PALLD: variants seen among roughly 807,000 people sequenced by gnomAD.
The protein encoded by PALLD is palladin.
A neutral mutation model predicts 123.5 loss-of-function variants in PALLD; 61 were observed. The ratio of observed to expected loss-of-function variants is 0.49; its 90% CI spans 0.40 to 0.61. The LOEUF is 0.61. Ranked by LOEUF, PALLD falls within the 20% of genes least tolerant of loss-of-function variation. The pLI is 0.00. For missense variants in PALLD, 1,273 were observed against 1,377.0 expected (o/e 0.92, Z 1.20); for synonymous variants, 465 against 496.4 (o/e 0.94, Z 0.84).
intron 1 of PALLD, among the ~76,000 whole-genome samples, chr4:168,497,409 G>A (rs920756569): frequency 6.6e-6 from 1 of 152,298 alleles, no homozygotes; most frequent in Admixed American, 6.5e-5. Flanking sequence ...CTTCATCTCT[G>A]CCTTTGCTGT....
intron 2 of PALLD, among the ~76,000 whole-genome samples, chr4:168,591,737 T>C (rs1422665049): frequency 6.6e-6 from 1 of 152,156 alleles, no homozygotes; most frequent in Non-Finnish European, 1.5e-5. Context: ...TAGTGTAAAA[T>C]TCCTGGCCTG....
intron 10 of PALLD, chr4:168,863,778 GA>G (rs1380719166): frequency 6.6e-6 from 1 of 151,954 alleles, no homozygotes; most frequent in African/African-American, 2.4e-5. Context: ...CCACACCAAA[GA>G]AAAAAATCAC....
At chr4:168,758,439 C>T (rs1369896120) in intron 10 of PALLD, among the ~76,000 whole-genome samples, 5 of 152,188 alleles carry the variant, frequency 3.3e-5, no homozygotes, top group African/African-American at 9.6e-5. Flanking sequence ...CCACGTCAGG[C>T]AGCCCTTCTA....
chr4:168,518,269 GTC>G (rs1763191280), intron 2 of PALLD, among the ~76,000 whole-genome samples: 1 of 152,134 alleles, frequency 6.6e-6, no homozygotes, highest in Admixed American at 6.5e-5. Flanking sequence ...ACCATCATCT[GTC>G]TCTTTGTTAT....
chr4:168,810,388 C>T (rs1357835621), intron 10 of PALLD, among the ~76,000 whole-genome samples: 1 of 152,148 alleles, frequency 6.6e-6, no homozygotes. Flanking sequence ...AGCATGGTGG[C>T]TCATGCCTGT....
At chr4:168,631,110 T>C (rs1287609188) in intron 2 of PALLD, among the ~76,000 whole-genome samples, 1 of 152,202 alleles carries the variant, frequency 6.6e-6, no homozygotes, top group Non-Finnish European at 1.5e-5. Flanking sequence ...TTCCCTTTCC[T>C]AGGGGCTTAC....
chr4:168,745,279 A>T (rs1295711839), intron 10 of PALLD, among the ~76,000 whole-genome samples: 1 of 152,186 alleles, frequency 6.6e-6, no homozygotes, highest in African/African-American at 2.4e-5. Flanking sequence ...GCTGGAGCCT[A>T]GGACCCAAGC....
At chr4:168,757,696 G>T (rs913318046) in intron 10 of PALLD, among the ~76,000 whole-genome samples, 4 of 152,234 alleles carry the variant, frequency 2.6e-5, no homozygotes, top group African/African-American at 4.8e-5. Context: ...TGGGCGGCAT[G>T]ATGACTAAGT....
intron 2 of PALLD, among the ~76,000 whole-genome samples, chr4:168,607,383 A>G (rs1020202284): frequency 1.1e-4 from 16 of 152,176 alleles, no homozygotes; most frequent in African/African-American, 3.6e-4. Context: ...CGGAGGTGTA[A>G]CTGATTGATT....
chr4:168,860,351 G>C (rs575577878), intron 10 of PALLD, among the ~76,000 whole-genome samples: 1 of 152,224 alleles, frequency 6.6e-6, no homozygotes, highest in East Asian at 1.9e-4. Flanking sequence ...CTGGAGTCGG[G>C]GCAGAGGCAG....
chr4:168,665,637 C>T (rs762125820), intron 2 of PALLD, among the ~76,000 whole-genome samples: 6 of 152,168 alleles, frequency 3.9e-5, no homozygotes, highest in Admixed American at 6.5e-5. Flanking sequence ...CTCTGTGAGG[C>T]GGGTCATTCT....
intron 2 of PALLD, among the ~76,000 whole-genome samples, chr4:168,538,444 T>TAAATA (rs141986128): frequency 5.3e-5 from 8 of 150,558 alleles, no homozygotes; most frequent in Admixed American, 2.6e-4. Flanking sequence ...GTTTTAAATT[T>TAAATA]AAATAAAATA....
chr4:168,709,995 C>T lies in PALLD; in HGVS notation c.1621+848C>T, dbSNP rs572880282. 2.0e-5 allele frequency among the ~76,000 whole-genome samples: 3 copies of T among 152,220 alleles called. No individual in the cohort carries two copies. In the South Asian group the frequency reaches 6.2e-4, roughly 32 times the overall value. ...TGCCAACACATGAGATCTGGAGATA[C>T]TTGTACAAATAAGCCATTGTCTGAT... is the stretch of plus-strand genomic sequence containing the variant. On this transcript the variant is annotated intron_variant, in intron 9 of 21. Transcript: ENST00000505667.
At chr4:168,651,293 G>A (rs903795121) in intron 2 of PALLD, among the ~76,000 whole-genome samples, 1 of 152,132 alleles carries the variant, frequency 6.6e-6, no homozygotes, top group Non-Finnish European at 1.5e-5. Context: ...TTTTAACATT[G>A]CAGTAAATGG....
intron 8 of PALLD, among the ~76,000 whole-genome samples, chr4:168,699,174 G>A (rs1236828968): frequency 1.3e-5 from 2 of 152,116 alleles, no homozygotes; most frequent in Admixed American, 1.3e-4. Flanking sequence ...TGCCTTCCAG[G>A]TTCAAGTGAT....
At chr4:168,508,336 A>G (rs1457625615) in intron 1 of PALLD, among the ~76,000 whole-genome samples, 6 of 152,244 alleles carry the variant, frequency 3.9e-5, no homozygotes, top group Non-Finnish European at 7.3e-5. Context: ...CTTATTATTT[A>G]GTTGTAATTT....
chr4:168,667,842 A>G (rs778123133), intron 2 of PALLD, among the ~76,000 whole-genome samples: 1 of 152,232 alleles, frequency 6.6e-6, no homozygotes, highest in Non-Finnish European at 1.5e-5. Context: ...AGATAAGACT[A>G]ATAGATAAAA....
intron 10 of PALLD, chr4:168,864,089 G>T (rs1056633295): frequency 2.6e-5 from 4 of 152,122 alleles, no homozygotes; most frequent in African/African-American, 9.7e-5. Flanking sequence ...ATACATGATT[G>T]CTGATACCAC....
chr4:168,888,785 A>G (rs1012998210), intron 10 of PALLD, among the ~76,000 whole-genome samples: 4 of 152,146 alleles, frequency 2.6e-5, no homozygotes, highest in Admixed American at 1.3e-4. Flanking sequence ...TCACATTTCT[A>G]TAAGCACATT....
Sources: allele counts gnomAD v4.1 joint callset (sites outside exome capture counted in the v4.1 genomes callset), GRCh38; gene constraint gnomAD v4.1.1; transcripts MANE v1.5; gene names NCBI Gene and HGNC (gene_info 2026-07-23, HGNC 2026-07-21).